The following MICAL1 variants were observed in gnomAD, a reference collection of about 807,000 sequenced individuals.
The protein encoded by MICAL1 is [F-actin]-monooxygenase MICAL1.
A neutral mutation model predicts 131.8 loss-of-function variants in MICAL1; 95 were observed. That is an observed-to-expected ratio of 0.72 (90% confidence interval 0.61 to 0.86). MICAL1 has a LOEUF of 0.86. MICAL1 is among the 40% of genes least tolerant of loss of function. MICAL1 has a pLI of 0.00. For missense variants in MICAL1, 1,292 were observed against 1,380.6 expected (o/e 0.94, Z 1.02); for synonymous variants, 546 against 554.2 (o/e 0.99, Z 0.21).
rs754978245 is a variant in MICAL1, at chr6:109,447,234, G to A, written c.2071-5C>T. On this transcript the variant is annotated splice_region_variant and splice_polypyrimidine_tract_variant and intron_variant, in intron 16 of 24. Transcript: ENST00000358807. The stretch of plus-strand genomic sequence containing the variant: ...ACACAGGTCCCCAGCACCGGCCTGC[G>A]TGGACCCCCAGGACACAGGGTCAGG... 1.1e-5 allele frequency: 18 copies of A among 1,613,950 alleles called. No homozygotes were observed. The highest frequency in any genetic ancestry group is 3.3e-5 in the Admixed American group (2 of 60,024).
chr6:109,446,578 C>T, intron 18 of MICAL1, 118 bp downstream of exon 18: 1 of 1,369,374 alleles, frequency 7.3e-7, no homozygotes. Context: ...TCCCTGCCTT[C>T]ACAGAGCTTA....
chr6:109,460,955 G>T (rs369313442), intron 1 of MICAL1, among the ~76,000 whole-genome samples: 5 of 151,992 alleles, frequency 3.3e-5, no homozygotes, highest in African/African-American at 1.2e-4. Flanking sequence ...GGCAAATTTC[G>T]ATTAAGCTTT....
chr6:109,450,271 G>GAAAC, intron 8 of MICAL1, 29 bp downstream of exon 8: 1 of 1,592,066 alleles, frequency 6.3e-7, no homozygotes. Flanking sequence ...CCCTAACCAT[G>GAAAC]AAACCCCTGT....
chr6:109,449,734 G>A lies in MICAL1; in HGVS notation c.1357C>T (p.Arg453Cys), dbSNP rs17854785. 37 of 1,605,604 alleles carry A rather than the reference G, an allele frequency of 2.3e-5. No homozygotes were observed. Among genetic ancestry groups the A allele is most frequent in the Admixed American group, 3.4e-5 (2 of 59,100 alleles). The stretch of plus-strand genomic sequence containing the variant: ...TCCAGCCCATACTGGGCCACATTGC[G>A]ATGCATGTTTTCTGGGGATGTCTGT... ...LSQTSPENMHRNVAQYGLDPA... is the reference protein window; with the variant it reads ...LSQTSPENMHCNVAQYGLDPA... Residue 453 changes from arginine (R) to cysteine (C), a missense_variant, in exon 10 of 25, where the codon CGC becomes TGC. By Grantham distance (180) the Arg-to-Cys change is radical. Transcript: ENST00000358807.
At chr6:109,446,928 C>A in intron 17 of MICAL1, 145 bp downstream of exon 17, 1 of 1,245,626 alleles carries the variant, frequency 8.0e-7, no homozygotes. Context: ...TGGAGCTTTG[C>A]AGGGGACAGA....
At position 109,452,766 on chromosome 6, in the gene MICAL1, C is replaced by A. The variant is rs534130816; in HGVS notation, c.572-151G>T. The A allele has an allele frequency of 1.5e-5, 9 of 620,012 alleles. No individual in the cohort carries two copies. The South Asian group carries it at 2.0e-4, about 14-fold the overall frequency. The allele number at this position is 620,012 out of a possible 1,614,324, so 38.4% of individuals were successfully genotyped here. A position where few individuals can be genotyped will look rare whatever the true frequency, so the allele number is the denominator to read the frequency against. ...TATCTATCAGATTACACCTTCACAG[C>A]AGCTATGGAAGGCAGGTGAGGAAGG... On this transcript the variant is annotated intron_variant, in intron 4 of 24. Coordinates refer to ENST00000358807, the MANE Select transcript of MICAL1 (RefSeq NM_022765.4).
At chr6:109,446,945 CCT>C in intron 17 of MICAL1, 126 bp downstream of exon 17, 1 of 1,310,934 alleles carries the variant, frequency 7.6e-7, no homozygotes, top group South Asian at 1.4e-5. Context: ...CAGAGAAGAC[CCT>C]GAGCTCAGGA....
At position 109,449,416 on chromosome 6, in the gene MICAL1, T is replaced by C; in HGVS notation, c.1500A>G (p.Thr500=). Residue 500 remains threonine (T), a synonymous_variant, in exon 11 of 25, where the codon ACA becomes ACG. Coordinates refer to ENST00000358807, the MANE Select transcript of MICAL1 (RefSeq NM_022765.4). The part of the protein sequence containing the change: ...PVQRNNDKTD[T]GMPATGSAGT... Reference sequence around the variant, plus strand: ...CCTGCTCACCGGTGGCTGGCATCCCTGTATCTGTCTTGTCGTTGTTCCTCT... The same window carrying C: ...CCTGCTCACCGGTGGCTGGCATCCCCGTATCTGTCTTGTCGTTGTTCCTCT... The C allele has an allele frequency of 6.2e-7, 1 of 1,614,198 alleles. No individual in the cohort carries two copies. Among genetic ancestry groups the C allele is most frequent in the Non-Finnish European group, 8.5e-7 (1 of 1,180,034 alleles).
intron 12 of MICAL1, 89 bp downstream of exon 12, chr6:109,448,643 A>G: frequency 6.5e-7 from 1 of 1,549,050 alleles, no homozygotes; most frequent in South Asian, 1.2e-5. Flanking sequence ...CGGCAGATGC[A>G]GGGAAGCACA....
upstream of MICAL1, among the ~76,000 whole-genome samples, chr6:109,457,538 GAGACCATAAGAGATCC>G (rs1562295860): frequency 2.9e-5 from 1 of 34,062 alleles, no homozygotes; most frequent in Non-Finnish European, 4.8e-5. Flanking sequence ...TTGAGATCCA[GAGACCATAAGAGATCC>G]AGAGACCATA....
Position 109,444,708 on chromosome 6 carries a change from C to T in MICAL1, c.3055+17G>A. On this transcript the variant is annotated intron_variant, in intron 24 of 24. Transcript: ENST00000358807. ...ACATCCCTGGGATGTGTCTGCTTCT[C>T]CCCACATTTCACCTACCTTCCCGGT... 1 of 1,613,812 alleles carries T rather than the reference C, an allele frequency of 6.2e-7. No individual in the cohort carries two copies. Among genetic ancestry groups the T allele is most frequent in the South Asian group, 1.1e-5 (1 of 91,078 alleles).
At chr6:109,445,578 G>A (rs367543311) in intron 20 of MICAL1, 49 bp from the exon 21 acceptor site, 1 of 1,600,168 alleles carries the variant, frequency 6.2e-7, no homozygotes. Flanking sequence ...CCCCCTGGTG[G>A]ATAGGAGTGT....
rs751203974 is a variant in MICAL1 at position 109,449,426 on chromosome 6, T to C, written c.1490A>G (p.Lys497Arg). The C allele has an allele frequency of 3.7e-6, 6 of 1,614,210 alleles. No individual in the cohort carries two copies. The Admixed American group carries it at 8.3e-5, about 22-fold the overall frequency. Residue 497 changes from lysine to arginine, a missense_variant, in exon 11 of 25, where the codon AAG becomes AGG. Lys to Arg is a conservative substitution (Grantham distance 26). Coordinates refer to ENST00000358807, the MANE Select transcript of MICAL1 (RefSeq NM_022765.4). The part of the protein sequence containing the change: ...AKEPVQRNND[K>R]TDTGMPATGS... ...GGTGGCTGGCATCCCTGTATCTGTC[T>C]TGTCGTTGTTCCTCTGCACAGGCTC...
chr6:109,454,092 C>T lies in MICAL1; in HGVS notation c.105G>A (p.Gly35=), dbSNP rs1775654124. 2 of 1,613,890 alleles carry T rather than the reference C, an allele frequency of 1.2e-6. No homozygotes were observed. Among genetic ancestry groups the T allele is most frequent in the Admixed American group, 1.7e-5 (1 of 60,026 alleles). Residue 35 remains glycine (G), a synonymous_variant, in exon 2 of 25, where the codon GGG becomes GGA. Coordinates refer to ENST00000358807, the MANE Select transcript of MICAL1 (RefSeq NM_022765.4). ...DVLSSFQELC[G]ALGLEPGGGL... Reference sequence around the variant, plus strand: ...CCCCACCGGGTTCCAGCCCCAGGGCCCCACACAGCTCCTGGAAGCTGCTCA... The same window carrying T: ...CCCCACCGGGTTCCAGCCCCAGGGCTCCACACAGCTCCTGGAAGCTGCTCA...
At chr6:109,449,927 A>C in intron 9 of MICAL1, 43 bp downstream of exon 9, 1 of 1,605,584 alleles carries the variant, frequency 6.2e-7, no homozygotes, top group Non-Finnish European at 8.5e-7. Context: ...GAACCTTGTC[A>C]CATGTCCTGC....
At chr6:109,450,603 G>C (rs1446957519) in intron 7 of MICAL1, 46 bp from the exon 8 acceptor site, 1 of 1,563,114 alleles carries the variant, frequency 6.4e-7, no homozygotes, top group South Asian at 1.1e-5. Context: ...TGAGAGCAGG[G>C]TCAGTGGGCC....
chr6:109,448,148 CACACACA>C (rs1423067703), intron 13 of MICAL1, 48 bp downstream of exon 13: 2 of 1,580,212 alleles, frequency 1.3e-6, no homozygotes, highest in South Asian at 1.1e-5. Context: ...CACACACACA[CACACACA>C]CACACCTCCC....
At position 109,447,862 on chromosome 6, in the gene MICAL1, C is replaced by G; in HGVS notation, c.1944+13G>C. Reference sequence around the variant, plus strand: ...CCTCCCTGCTCAGCTCCAGCCCTGCCTAAACTCTCCACCTTGGCCCGGGAT... The same window carrying G: ...CCTCCCTGCTCAGCTCCAGCCCTGCGTAAACTCTCCACCTTGGCCCGGGAT... On this transcript the variant is annotated intron_variant, in intron 14 of 24. Coordinates refer to ENST00000358807, the MANE Select transcript of MICAL1 (RefSeq NM_022765.4). The G allele has an allele frequency of 6.2e-7, 1 of 1,613,164 alleles. No homozygotes were observed. Among genetic ancestry groups the G allele is most frequent in the Non-Finnish European group, 8.5e-7 (1 of 1,179,504 alleles).
upstream of MICAL1, among the ~76,000 whole-genome samples, chr6:109,458,738 T>C (rs1383464713): frequency 1.3e-5 from 2 of 152,180 alleles, no homozygotes; most frequent in Admixed American, 1.3e-4. Context: ...CAATTTCTTA[T>C]CTCCTGGGCC....
Sources: allele counts gnomAD v4.1 joint callset (sites outside exome capture counted in the v4.1 genomes callset), GRCh38; gene constraint gnomAD v4.1.1; transcripts MANE v1.5; gene names NCBI Gene and HGNC (gene_info 2026-07-23, HGNC 2026-07-21).